ART4: variants seen among roughly 807,000 people sequenced by gnomAD.
ART4 encodes the protein ecto-ADP-ribosyltransferase 4.
In ART4, 14 loss-of-function variants were observed where a neutral mutation model predicts 24.2. That is an observed-to-expected ratio of 0.58 (90% CI 0.38 to 0.90). The LOEUF (loss-of-function observed/expected upper bound fraction) is 0.90, where lower values mean the gene tolerates loss of function less well. Among genes scored for constraint, ART4 ranks in the 40% least tolerant of loss-of-function variants. The pLI is 0.00. For missense variants in ART4, 356 were observed against 366.6 expected (o/e 0.97, Z 0.24); for synonymous variants, 145 against 139.9 (o/e 1.04, Z -0.26).
In ART4 at chr12:14,835,198, A is replaced by G. The variant is rs552707603; in HGVS notation, c.853+5247T>C. ...TGCTCATGAAACAAAACGAAGCTGA[A>G]AGAATGAGAAATAGTGTCCAGAGAA... On this transcript the variant is annotated intron_variant, in intron 2 of 2. Coordinates refer to ENST00000228936, the MANE Select transcript of ART4 (RefSeq NM_021071.4). Among the ~76,000 whole-genome samples, 5 of 152,342 alleles carry G rather than the reference A, an allele frequency of 3.3e-5. No homozygotes were observed. The South Asian group carries it at 1.0e-3, about 32-fold the overall frequency.
intron 2 of ART4, among the ~76,000 whole-genome samples, chr12:14,829,759 C>T (rs1950381636): frequency 6.6e-6 from 1 of 152,060 alleles, no homozygotes; most frequent in African/African-American, 2.4e-5. Flanking sequence ...TAGCATTATC[C>T]CCATCTTAAT....
rs761504024 is a variant in ART4, at chr12:14,841,051, A to T, written c.247T>A (p.Phe83Ile). 5 of 1,614,096 alleles carry T rather than the reference A, an allele frequency of 3.1e-6. No homozygotes were observed. The highest frequency in any genetic ancestry group is 4.2e-6 in the Non-Finnish European group (5 of 1,180,048). The change falls in exon 2 of 3, where the codon TTC (phenylalanine) becomes ATC (isoleucine). Residue 83 changes from phenylalanine (F) to isoleucine (I), a missense_variant. Coordinates refer to ENST00000228936, the MANE Select transcript of ART4 (RefSeq NM_021071.4). ...TTCTGGGCTTCTATGTCTTTTGTGA[A>T]ATAATCCCCTTGAGTTAGTTTCTCC... is the stretch of plus-strand genomic sequence containing the variant. ...VMEKLTQGDY[F>I]TKDIEAQKNY...
At chr12:14,836,541 C>T (rs567483676) in intron 2 of ART4, among the ~76,000 whole-genome samples, 15 of 152,138 alleles carry the variant, frequency 9.9e-5, no homozygotes, top group African/African-American at 2.2e-4. Flanking sequence ...ATATATTCTG[C>T]GGGTAACTGA....
Position 14,840,745 on chromosome 12 carries a change from C to T in ART4, c.553G>A (p.Val185Met). Residue 185 changes from valine (V) to methionine (M), a missense_variant, in exon 2 of 3, where the codon GTG (valine) becomes ATG (methionine). Transcript: ENST00000228936. ...IMENGTLCYE[V>M]HYRTKDVHFN... ...TGGACATCCTTCGTCCTATAATGCA[C>T]CTCATAGCACAGAGTGCCATTCTCC... The T allele has an allele frequency of 6.2e-7, 1 of 1,614,130 alleles. No individual in the cohort carries two copies. The highest frequency in any genetic ancestry group is 8.5e-7 in the Non-Finnish European group (1 of 1,180,022).
At position 14,843,058 on chromosome 12, in the gene ART4, G is replaced by T; in HGVS notation, c.56C>A (p.Pro19His). 6.2e-7 allele frequency: 1 copy of T among 1,614,182 alleles called. No homozygotes were observed. Among genetic ancestry groups the T allele is most frequent in the Non-Finnish European group, 8.5e-7 (1 of 1,180,022 alleles). ...KKILLPTTVPPATMRIWLLGG... is the reference protein window; with the variant it reads ...KKILLPTTVPHATMRIWLLGG... ...AAGGAGCCAGATTCTCATCGTTGCA[G>T]GAGGTACAGTAGTTGGGAGAAGAAT... Residue 19 changes from proline (P) to histidine (H), a missense_variant, in exon 1 of 3, where the codon CCT (proline) becomes CAT (histidine). Physicochemically the swap from Pro to His is moderately conservative, Grantham distance 77 (BLOSUM62 -2). Transcript: ENST00000228936.
chr12:14,826,340 C>T lies in ART4; in HGVS notation c.*3031G>A, dbSNP rs538111111. The T allele has an allele frequency of 6.6e-6, 1 of 152,284 alleles. No homozygotes were observed. Among genetic ancestry groups the T allele is most frequent in the South Asian group, 2.1e-4 (1 of 4,826 alleles). The allele number at this position is 152,284 out of a possible 1,614,324, so 9.4% of individuals were successfully genotyped here. On this transcript the variant is annotated 3_prime_UTR_variant, in exon 3 of 3. Transcript: ENST00000228936. ...TGTAAAACAGCAGCAGGAGTTAGAA[C>T]TAAGTTATCTTTTTTAGAAACTTGG...
chr12:14,829,436 G>A lies in ART4; in HGVS notation c.880C>T (p.Pro294Ser). 1 of 1,609,250 alleles carries A rather than the reference G, an allele frequency of 6.2e-7. No homozygotes were observed. The highest frequency in any genetic ancestry group is 8.5e-7 in the Non-Finnish European group (1 of 1,178,592). ...KASSKKCIPD[P>S]IAIASLSFLT... Reference sequence around the variant, plus strand: ...AAGGAGAGAGATGCAATAGCTATAGGATCAGGGATGCATTTCTTGCTGGAA... The same window carrying A: ...AAGGAGAGAGATGCAATAGCTATAGAATCAGGGATGCATTTCTTGCTGGAA... The change falls in exon 3 of 3, where the codon CCT (proline) becomes TCT (serine). Residue 294 changes from proline (P) to serine (S), a missense_variant. Physicochemically the swap from Pro to Ser is moderately conservative, Grantham distance 74. Coordinates refer to ENST00000228936, the MANE Select transcript of ART4 (RefSeq NM_021071.4).
intron 2 of ART4, among the ~76,000 whole-genome samples, chr12:14,830,692 T>C (rs1476264032): frequency 1.8e-5 from 2 of 111,912 alleles, no homozygotes; most frequent in African/African-American, 6.8e-5. Flanking sequence ...TATATATATA[T>C]ATATATACAG....
Position 14,840,713 on chromosome 12 carries a change from A to G in ART4, c.585T>C (p.Asn195=). 1 of 1,614,160 alleles carries G rather than the reference A, an allele frequency of 6.2e-7. No individual in the cohort carries two copies. The highest frequency in any genetic ancestry group is 8.5e-7 in the Non-Finnish European group (1 of 1,180,010). The change falls in exon 2 of 3, where the codon AAT becomes AAC. Residue 195 remains asparagine (N), a synonymous_variant. Transcript: ENST00000228936. The stretch of plus-strand genomic sequence containing the variant: ...ATCGAATGGTGGCCCCTGTGTAGGC[A>G]TTAAAGTGGACATCCTTCGTCCTAT... ...VHYRTKDVHF[N]AYTGATIRFG...
intron 1 of ART4, among the ~76,000 whole-genome samples, chr12:14,841,772 G>T (rs1188247884): frequency 6.6e-6 from 1 of 152,218 alleles, no homozygotes; most frequent in Non-Finnish European, 1.5e-5. Context: ...GGCTTGTTAA[G>T]AGCAAATTCC....
chr12:14,829,522 C>A, intron 2 of ART4, 60 bp from the exon 3 acceptor site: 1 of 1,158,576 alleles, frequency 8.6e-7, no homozygotes, highest in Non-Finnish European at 1.3e-6. Flanking sequence ...AAAACTACCT[C>A]ATCTATCCAT....
At chr12:14,842,383 A>G (rs1863064519) in intron 1 of ART4, among the ~76,000 whole-genome samples, 1 of 152,202 alleles carries the variant, frequency 6.6e-6, no homozygotes, top group Non-Finnish European at 1.5e-5. Context: ...GTGAACTAGA[A>G]CACATTTTTA....
chr12:14,838,827 A>T (rs1004371616), intron 2 of ART4, among the ~76,000 whole-genome samples: 1 of 151,972 alleles, frequency 6.6e-6, no homozygotes, highest in African/African-American at 2.4e-5. Flanking sequence ...AAATTTGGGG[A>T]TATATTGAAG....
At chr12:14,833,216 T>C (rs938685828) in intron 2 of ART4, among the ~76,000 whole-genome samples, 28 of 152,214 alleles carry the variant, frequency 1.8e-4, no homozygotes, top group African/African-American at 6.5e-4. Flanking sequence ...TAACACTGCC[T>C]ATGAAAAGGG....
intron 2 of ART4, among the ~76,000 whole-genome samples, chr12:14,835,755 G>T (rs1321905803): frequency 6.6e-6 from 1 of 151,918 alleles, no homozygotes; most frequent in Non-Finnish European, 1.5e-5. Context: ...ACAGGCTCGT[G>T]CCACCACTCC....
intron 2 of ART4, among the ~76,000 whole-genome samples, chr12:14,837,926 A>G (rs1293063399): frequency 6.6e-6 from 1 of 152,244 alleles, no homozygotes; most frequent in Non-Finnish European, 1.5e-5. Flanking sequence ...ACACATAGCT[A>G]TTAAGTGGTA....
rs747544657 is a variant in ART4 at position 14,829,226 on chromosome 12, C to CAAAG, written c.*141_*144dup. On this transcript the variant is annotated 3_prime_UTR_variant, in exon 3 of 3. Transcript: ENST00000228936. ...ACAAGGAAAGGCATAAGAGAATTAG[C>CAAAG]AAAGAGGAGGCCATGCACTGGTTTC... The CAAAG allele has an allele frequency of 6.5e-5, 35 of 540,192 alleles. No homozygotes were observed. Among genetic ancestry groups the CAAAG allele is most frequent in the Admixed American group, 1.9e-4 (5 of 26,850 alleles). 33.5% of individuals were successfully genotyped at this position (540,192 alleles called of 1,614,324 possible).
At chr12:14,838,864 G>A (rs1467181015) in intron 2 of ART4, among the ~76,000 whole-genome samples, 2 of 151,246 alleles carry the variant, frequency 1.3e-5, no homozygotes, top group Non-Finnish European at 2.9e-5. Flanking sequence ...GGTTCCAGCT[G>A]ACTGTGAGTG....
intron 2 of ART4, among the ~76,000 whole-genome samples, chr12:14,830,649 GTATATATATATATATATATATATATA>G (rs3084548): frequency 0.02 from 526 of 25,968 alleles, 38 homozygotes; most frequent in African/African-American, 0.043. Context: ...CTGTATGTAT[GTATATATATATATATATATATATATA>G]TATATATATA....
Sources: gnomAD v4.1 joint callset for allele counts (sites outside exome capture counted in the v4.1 genomes callset) on GRCh38, gnomAD v4.1.1 for gene constraint, MANE v1.5 for transcripts, NCBI Gene and HGNC (gene_info 2026-07-23, HGNC 2026-07-21) for gene names.